Variants in NBPF11 observed in about 807,000 individuals in gnomAD.
The protein encoded by NBPF11 is NBPF member 11, also known as NBPF family member NBPF11.
A neutral mutation model predicts 93.9 loss-of-function variants in NBPF11; 72 were observed. That is an observed-to-expected ratio of 0.77 (90% confidence interval 0.63 to 0.93). The LOEUF (loss-of-function observed/expected upper bound fraction) is 0.93, where lower values mean the gene tolerates loss of function less well. Ranked by LOEUF, NBPF11 falls within the 40% of genes least tolerant of loss-of-function variation. NBPF11 has a pLI of 0.00. For missense variants in NBPF11, 705 were observed against 802.2 expected, an observed-to-expected ratio of 0.88 and a Z score of 1.46; for synonymous variants, 224 against 304.9, an observed-to-expected ratio of 0.73 and a Z score of 2.76.
intron 2 of NBPF11, among the ~76,000 whole-genome samples, chr1:148,140,295 G>A (rs1213114120): frequency 6.6e-6 from 1 of 151,948 alleles, no homozygotes; most frequent in Non-Finnish European, 1.5e-5. Flanking sequence ...ACACGTAAAT[G>A]TAAGCGCAAA....
intron 1 of NBPF11, chr1:148,149,673 G>A (rs2149317567): frequency 3.2e-6 from 3 of 939,710 alleles, no homozygotes; most frequent in East Asian, 5.3e-5. Flanking sequence ...GCGGCCCAGG[G>A]GACCCCGCCC....
intron 10 of NBPF11, among the ~76,000 whole-genome samples, chr1:148,119,394 T>C (rs1667301046): frequency 6.6e-6 from 1 of 152,044 alleles, no homozygotes; most frequent in Admixed American, 6.5e-5. Context: ...AAATAGCTCA[T>C]GTAATTCACT....
chr1:148,144,477 T>C (rs1459240736), intron 1 of NBPF11, among the ~76,000 whole-genome samples: 87 of 151,812 alleles, frequency 5.7e-4, no homozygotes, highest in Non-Finnish European at 1.1e-3. Context: ...ATTCAATATC[T>C]GTTTCATGCC....
Position 148,118,661 on chromosome 1 carries a change from C to T in NBPF11, c.1050G>A (p.Glu350=), listed in dbSNP as rs1407144639. The change falls in exon 11 of 24, where the codon GAG becomes GAA. Residue 350 remains glutamate (E), a synonymous_variant. Transcript: ENST00000682118. ...SMLRNERQFK[E]EKLAEQLKQA... is the part of the protein sequence containing the mutation. ...GCTTCAGCTGCTCTGCAAGCTTCTC[C>T]TCCTTGAACTGTCGCTCATTCCTCA... 2.5e-6 allele frequency: 4 copies of T among 1,613,084 alleles called. No individual in the cohort carries two copies. In the African/African-American group the frequency reaches 5.4e-5, roughly 22 times the overall value.
intron 4 of NBPF11, among the ~76,000 whole-genome samples, chr1:148,128,880 T>C (rs1435120541): frequency 3.4e-5 from 5 of 148,014 alleles, no homozygotes; most frequent in Non-Finnish European, 7.4e-5. Flanking sequence ...GGCATTGGTG[T>C]CTTTGTTTTT....
chr1:148,129,044 T>G (rs1164976542), intron 4 of NBPF11, among the ~76,000 whole-genome samples: 12 of 147,838 alleles, frequency 8.1e-5, no homozygotes, highest in Non-Finnish European at 1.5e-4. Flanking sequence ...ATATACCTGG[T>G]GTAAATGACG....
chr1:148,120,488 A>T lies in NBPF11; in HGVS notation c.988+13T>A. 1.1e-6 allele frequency: 1 copy of T among 901,594 alleles called. No homozygotes were observed. The highest frequency in any genetic ancestry group is 1.9e-6 in the Non-Finnish European group (1 of 530,696). 55.8% of individuals were successfully genotyped at this position (901,594 alleles called of 1,614,324 possible). On this transcript the variant is annotated intron_variant, in intron 10 of 23. Coordinates refer to ENST00000682118, the MANE Select transcript of NBPF11 (RefSeq NM_001385469.3). ...GTTCATCACTTTCGTGATGGTGAGC[A>T]TATAGATCTTACTGTATTTGTTCTG...
chr1:148,103,756 A>G lies in NBPF11; in HGVS notation c.*140T>C, dbSNP rs1379060325. The G allele has an allele frequency of 7.4e-6, 12 of 1,611,676 alleles. No individual in the cohort carries two copies. The highest frequency in any genetic ancestry group is 3.3e-5 in the South Asian group (3 of 90,996). ...AAAACCTATTGTCCATGTCAAGGGC[A>G]AAGCTGATGTGCTGTTCCTCAAATG... On this transcript the variant is annotated 3_prime_UTR_variant, in exon 24 of 24. Coordinates refer to ENST00000682118, the MANE Select transcript of NBPF11 (RefSeq NM_001385469.3).
At chr1:148,140,254 T>C (rs1337962585) in intron 2 of NBPF11, among the ~76,000 whole-genome samples, 1 of 151,966 alleles carries the variant, frequency 6.6e-6, no homozygotes, top group African/African-American at 2.4e-5. Flanking sequence ...AATCCAGGTA[T>C]GCATGTTATA....
At chr1:148,133,020 G>A (rs1470662679) in intron 4 of NBPF11, among the ~76,000 whole-genome samples, 1 of 148,662 alleles carries the variant, frequency 6.7e-6, no homozygotes, top group Non-Finnish European at 1.5e-5. Flanking sequence ...AAAGTGCTGA[G>A]ATTACAAGTG....
chr1:148,108,726 T>A (rs1317563132), intron 17 of NBPF11, 72 bp from the exon 18 acceptor site: 2 of 792,188 alleles, frequency 2.5e-6, no homozygotes, highest in African/African-American at 3.6e-5. Flanking sequence ...CTAGATTTCA[T>A]GGCTAACATG....
intron 1 of NBPF11, among the ~76,000 whole-genome samples, chr1:148,145,874 T>G (rs1553276726): frequency 6.6e-6 from 1 of 151,298 alleles, no homozygotes; most frequent in Non-Finnish European, 1.5e-5. Flanking sequence ...AGTGAGATCT[T>G]GTCTCAAAAA....
intron 1 of NBPF11, among the ~76,000 whole-genome samples, chr1:148,150,511 G>T (rs1403836265): frequency 6.9e-6 from 1 of 145,356 alleles, no homozygotes; most frequent in Non-Finnish European, 1.5e-5. Context: ...TTTTAGAATA[G>T]AAAAAAAAAA....
chr1:148,135,193 C>T (rs1232926127), intron 4 of NBPF11: 1 of 140,786 alleles, frequency 7.1e-6, no homozygotes, highest in Non-Finnish European at 1.5e-5. Context: ...TTTTTGGAAG[C>T]ATGTATCCTA....
At chr1:148,142,499 G>A (rs1672355664) in intron 2 of NBPF11, among the ~76,000 whole-genome samples, 1 of 151,052 alleles carries the variant, frequency 6.6e-6, no homozygotes, top group Admixed American at 6.6e-5. Context: ...AAGCTGCCCG[G>A]CTGCAGGTGG....
intron 11 of NBPF11, 62 bp downstream of exon 11, chr1:148,118,558 G>C (rs1162124489): frequency 6.5e-7 from 1 of 1,545,752 alleles, no homozygotes; most frequent in African/African-American, 1.4e-5. Flanking sequence ...TCCCCACTGA[G>C]CTACTGTACT....
intron 1 of NBPF11, chr1:148,149,384 C>T (rs1647663663): frequency 1.3e-6 from 2 of 1,593,758 alleles, no homozygotes; most frequent in African/African-American, 2.7e-5. Context: ...GCTCATCATC[C>T]ACGGCAGGGA....
chr1:148,113,226 T>A (rs1452719468), intron 15 of NBPF11, among the ~76,000 whole-genome samples: 1 of 151,762 alleles, frequency 6.6e-6, no homozygotes, highest in Non-Finnish European at 1.5e-5. Context: ...AGAAAACCCA[T>A]CTCACATGCA....
intron 1 of NBPF11, chr1:148,146,887 G>C: frequency 6.2e-7 from 1 of 1,613,398 alleles, no homozygotes; most frequent in Non-Finnish European, 8.5e-7. Context: ...CCTCTATGCC[G>C]ACATCGACGC....
Sources: gnomAD v4.1 joint callset for allele counts (sites outside exome capture counted in the v4.1 genomes callset) on GRCh38, gnomAD v4.1.1 for gene constraint, MANE v1.5 for transcripts, NCBI Gene and HGNC (gene_info 2026-07-23, HGNC 2026-07-21) for gene names.